Variants in KAZN observed in about 807,000 individuals in gnomAD.
The protein encoded by KAZN is kazrin.
A neutral mutation model predicts 87.4 loss-of-function variants in KAZN; 40 were observed. That is an observed-to-expected ratio of 0.46 (90% CI 0.36 to 0.60). The LOEUF is 0.60. KAZN is among the 20% of genes least tolerant of loss of function. The pLI is 0.00. For missense variants in KAZN, 898 were observed against 1,073.9 expected, an observed-to-expected ratio of 0.84 and a Z score of 2.29; for synonymous variants, 466 against 458.3, an observed-to-expected ratio of 1.02 and a Z score of -0.22.
In KAZN at chr1:14,546,863, C is replaced by T. The variant is rs180799967; in HGVS notation, c.250-52120C>T. ...GCTGTAACATCCCAGTCCTTGAAAA[C>T]ATTGTAACTGAAGTCTTACTTCCTG... is the stretch of plus-strand genomic sequence containing the variant. On this transcript the variant is annotated intron_variant, in intron 2 of 16. Coordinates refer to the KAZN transcript ENST00000636203. 5.7e-3 allele frequency among the ~76,000 whole-genome samples: 861 copies of T among 152,212 alleles called. 7 individuals are homozygous for T. The highest frequency in any genetic ancestry group is 0.02 in the African/African-American group (824 of 41,526).
At chr1:14,831,258 C>T (rs1350217855) in intron 1 of KAZN, among the ~76,000 whole-genome samples, 1 of 152,202 alleles carries the variant, frequency 6.6e-6, no homozygotes, top group Non-Finnish European at 1.5e-5. Context: ...TGATGGATCA[C>T]AGAGAAAACC....
At chr1:14,555,756 C>T (rs1169132964) in intron 2 of KAZN, among the ~76,000 whole-genome samples, 5 of 152,198 alleles carry the variant, frequency 3.3e-5, no homozygotes, top group South Asian at 2.1e-4. Flanking sequence ...CTGAGTCCAC[C>T]GTGCCTTACC....
chr1:14,491,152 C>T (rs1439383619), intron 2 of KAZN, among the ~76,000 whole-genome samples: 1 of 152,146 alleles, frequency 6.6e-6, no homozygotes. Flanking sequence ...CCTGGGTTTG[C>T]TATTGCAATT....
chr1:14,960,965 G>A, intron 2 of KAZN, 90 bp downstream of exon 2: 1 of 1,342,178 alleles, frequency 7.5e-7, no homozygotes, highest in Non-Finnish European at 1.0e-6. Flanking sequence ...TGACGCAGAT[G>A]GACACAGGGG....
intron 1 of KAZN, among the ~76,000 whole-genome samples, chr1:14,845,105 C>G (rs1166421906): frequency 6.7e-6 from 1 of 149,948 alleles, no homozygotes; most frequent in Non-Finnish European, 1.5e-5. Flanking sequence ...GATGGAACAG[C>G]TGGATGGATG....
At chr1:14,397,861 CAAAAAAAAAA>C (rs761120479) in intron 2 of KAZN, among the ~76,000 whole-genome samples, 1 of 40,644 alleles carries the variant, frequency 2.5e-5, no homozygotes. Flanking sequence ...AACTCCATCT[CAAAAAAAAAA>C]AAAAAAAAAA....
intron 2 of KAZN, among the ~76,000 whole-genome samples, chr1:14,410,809 C>T (rs562456409): frequency 2.9e-4 from 44 of 152,246 alleles, no homozygotes; most frequent in African/African-American, 9.6e-4. Context: ...AAGATGCCAG[C>T]GGCCACCAGA....
At chr1:15,005,306 A>G (rs10927627) in intron 2 of KAZN, among the ~76,000 whole-genome samples, 80,641 of 152,008 alleles carry the variant, frequency 0.53, 23,440 homozygotes, top group African/African-American at 0.79. Context: ...ATTACAGACC[A>G]CGTGCCAGTG....
chr1:14,162,077 C>A (rs1199956451), intron 1 of KAZN, among the ~76,000 whole-genome samples: 1 of 152,192 alleles, frequency 6.6e-6, no homozygotes, highest in Non-Finnish European at 1.5e-5. Flanking sequence ...AATTAGGACT[C>A]AAGGATCAAG....
At chr1:14,181,468 G>A (rs1646196789) in intron 2 of KAZN, among the ~76,000 whole-genome samples, 1 of 152,174 alleles carries the variant, frequency 6.6e-6, no homozygotes, top group Non-Finnish European at 1.5e-5. Context: ...CGCTGGTAGT[G>A]GTTTATGTTT....
chr1:14,772,353 A>G lies in KAZN; in HGVS notation c.226+173130A>G, dbSNP rs185879734. Among the ~76,000 whole-genome samples the G allele has an allele frequency of 2.7e-3, 407 of 152,160 alleles. 1 individual carries two copies. The highest frequency in any genetic ancestry group is 8.9e-3 in the African/African-American group (370 of 41,484). Reference sequence around the variant, plus strand: ...TTAACAATTAGCCAGGAGTGGTGGCATGCACCTGTGGTCCCAGCTCCTCAG... The same window carrying G: ...TTAACAATTAGCCAGGAGTGGTGGCGTGCACCTGTGGTCCCAGCTCCTCAG... On this transcript the variant is annotated intron_variant, in intron 1 of 14. Transcript: ENST00000376030.
chr1:15,103,723 T>C (rs918522448), intron 12 of KAZN, among the ~76,000 whole-genome samples: 11 of 152,140 alleles, frequency 7.2e-5, no homozygotes, highest in African/African-American at 2.7e-4. Flanking sequence ...CATGATGCTT[T>C]GCTCACATGG....
chr1:14,513,227 A>G (rs953542453), intron 2 of KAZN, among the ~76,000 whole-genome samples: 4 of 152,274 alleles, frequency 2.6e-5, no homozygotes, highest in Admixed American at 1.3e-4. Context: ...CAGGCGTGGT[A>G]TAACTTATTG....
intron 2 of KAZN, among the ~76,000 whole-genome samples, chr1:14,481,346 G>C (rs1381926398): frequency 1.3e-5 from 2 of 152,068 alleles, no homozygotes; most frequent in Non-Finnish European, 2.9e-5. Context: ...CCCTCAGTAA[G>C]GTTAGCCATT....
chr1:14,963,917 T>C (rs2101795936), intron 2 of KAZN, among the ~76,000 whole-genome samples: 1 of 152,332 alleles, frequency 6.6e-6, no homozygotes, highest in African/African-American at 2.4e-5. Flanking sequence ...TTGCTGAGAA[T>C]GATGGTTTCT....
intron 2 of KAZN, among the ~76,000 whole-genome samples, chr1:15,020,233 A>T (rs372121659): frequency 4.6e-5 from 7 of 152,230 alleles, no homozygotes; most frequent in African/African-American, 1.7e-4. Context: ...GGCATTGCAT[A>T]TACAAAACCA....
intron 2 of KAZN, among the ~76,000 whole-genome samples, chr1:14,558,375 A>G (rs1674042683): frequency 6.6e-6 from 1 of 152,226 alleles, no homozygotes; most frequent in Non-Finnish European, 1.5e-5. Context: ...CCAAGAAGCA[A>G]GTAAACATCT....
chr1:14,869,368 G>A (rs542551401), intron 1 of KAZN, among the ~76,000 whole-genome samples: 3 of 152,146 alleles, frequency 2.0e-5, no homozygotes, highest in African/African-American at 4.8e-5. Flanking sequence ...GAGCCTCAAC[G>A]CAGGGGCTGT....
chr1:14,515,401 A>G (rs1300430890), intron 2 of KAZN, among the ~76,000 whole-genome samples: 2 of 152,240 alleles, frequency 1.3e-5, no homozygotes, highest in Non-Finnish European at 2.9e-5. Context: ...ATGCAGCAGG[A>G]GGGATGGGAG....
Sources: gnomAD v4.1 joint callset for allele counts (sites outside exome capture counted in the v4.1 genomes callset) on GRCh38, gnomAD v4.1.1 for gene constraint, MANE v1.5 for transcripts, NCBI Gene and HGNC (gene_info 2026-07-23, HGNC 2026-07-21) for gene names.